The following DDHD1 variants were observed in gnomAD, a reference collection of about 807,000 sequenced individuals.
The protein encoded by DDHD1 is phospholipase DDHD1.
Under a neutral mutation model 96.4 loss-of-function variants are expected in DDHD1, and 49 were observed. The ratio of observed to expected loss-of-function variants is 0.51; its 90% CI spans 0.40 to 0.64. The LOEUF is 0.64. Among genes scored for constraint, DDHD1 ranks in the 30% least tolerant of loss-of-function variants. The pLI is 0.00. For missense variants in DDHD1, 1,106 were observed against 1,161.2 expected (o/e 0.95, Z 0.69); for synonymous variants, 442 against 446.5 (o/e 0.99, Z 0.13).
rs1472491896 is a variant in DDHD1, at chr14:53,055,916, G to A, written c.1993-4C>T. The A allele has an allele frequency of 1.9e-6, 3 of 1,588,684 alleles. No individual in the cohort carries two copies. Among genetic ancestry groups the A allele is most frequent in the African/African-American group, 1.4e-5 (1 of 73,102 alleles). The stretch of plus-strand genomic sequence containing the variant: ...TTAATGGTTCTAATCTATAAGCCTT[G>A]ATTTAAAAAAAAAAATTCAAAGAAA... On this transcript the variant is annotated splice_region_variant and splice_polypyrimidine_tract_variant and intron_variant, in intron 9 of 12. Coordinates refer to ENST00000673822, the MANE Select transcript of DDHD1 (RefSeq NM_001160148.2).
intron 6 of DDHD1, among the ~76,000 whole-genome samples, chr14:53,066,382 C>T (rs1266777712): frequency 6.6e-6 from 1 of 152,076 alleles, no homozygotes; most frequent in Non-Finnish European, 1.5e-5. Context: ...GAATTCCTGA[C>T]CTCAAGTGAT....
At chr14:53,050,272 T>C (rs1267863021) in intron 12 of DDHD1, among the ~76,000 whole-genome samples, 3 of 152,086 alleles carry the variant, frequency 2.0e-5, no homozygotes, top group Non-Finnish European at 4.4e-5. Flanking sequence ...TGAAGAGAAA[T>C]ACAAGTTAGT....
At chr14:53,079,137 T>C (rs10140374) in intron 4 of DDHD1, among the ~76,000 whole-genome samples, 5,110 of 152,308 alleles carry the variant, frequency 0.034, 294 homozygotes, top group African/African-American at 0.11. Context: ...CTGTGGTCTC[T>C]ATTCAGTAAT....
chr14:53,142,184 A>C (rs888959552), intron 1 of DDHD1, among the ~76,000 whole-genome samples: 8 of 152,264 alleles, frequency 5.3e-5, no homozygotes, highest in African/African-American at 1.9e-4. Context: ...TCAAGGATTC[A>C]AACTAAGGGA....
chr14:53,128,220 G>C (rs1889598435), intron 1 of DDHD1, among the ~76,000 whole-genome samples: 1 of 152,156 alleles, frequency 6.6e-6, no homozygotes, highest in Non-Finnish European at 1.5e-5. Flanking sequence ...ACCAAGTCTT[G>C]GATATTTCTT....
chr14:53,052,834 T>C (rs1882720160), intron 11 of DDHD1: 2 of 151,990 alleles, frequency 1.3e-5, no homozygotes, highest in Admixed American at 1.3e-4. Flanking sequence ...ATCAAAGAAT[T>C]TATGTGTAAG....
chr14:53,138,416 G>A (rs888917276), intron 1 of DDHD1, among the ~76,000 whole-genome samples: 8 of 152,270 alleles, frequency 5.3e-5, no homozygotes, highest in Admixed American at 1.3e-4. Context: ...GCAACAGAGC[G>A]AGACTCTGTC....
At chr14:53,082,623 G>C (rs535527076) in intron 4 of DDHD1, among the ~76,000 whole-genome samples, 1 of 151,736 alleles carries the variant, frequency 6.6e-6, no homozygotes, top group Admixed American at 6.6e-5. Context: ...GCCGGGTGTG[G>C]TGACGTGTGA....
Position 53,066,375 on chromosome 14 carries a change from T to C in DDHD1, c.1504-3170A>G, listed in dbSNP as rs534030521. Among the ~76,000 whole-genome samples, 12 of 152,118 alleles carry C rather than the reference T, an allele frequency of 7.9e-5. No homozygotes were observed. The South Asian group carries it at 2.5e-3, about 32-fold the overall frequency. On this transcript the variant is annotated intron_variant, in intron 6 of 12. Coordinates refer to ENST00000673822, the MANE Select transcript of DDHD1 (RefSeq NM_001160148.2). ...CCATGTTGGTTGGGCTGGTCTCGAA[T>C]TCCTGACCTCAAGTGATCTGCCTGC...
In DDHD1 at chr14:53,045,920, T is replaced by C. The variant is rs994994095; in HGVS notation, c.*848A>G. 1.1e-4 allele frequency: 17 copies of C among 152,256 alleles called. No homozygotes were observed. The highest frequency in any genetic ancestry group is 4.1e-4 in the African/African-American group (17 of 41,474). 9.4% of individuals were successfully genotyped at this position (152,256 alleles called of 1,614,324 possible). A position where few individuals can be genotyped will look rare whatever the true frequency, so the allele number is the denominator to read the frequency against. ...TAGTTTTCTAATAAAGCTAATGAAA[T>C]GTACCCATTATGGAGTACTCCGTGT... is the stretch of plus-strand genomic sequence containing the variant. On this transcript the variant is annotated 3_prime_UTR_variant, in exon 13 of 13. Transcript: ENST00000673822.
At chr14:53,096,952 G>T (rs1886930971) in intron 2 of DDHD1, among the ~76,000 whole-genome samples, 1 of 151,956 alleles carries the variant, frequency 6.6e-6, no homozygotes, top group African/African-American at 2.4e-5. Flanking sequence ...GCACAGACTT[G>T]ATATTTGGCA....
chr14:53,062,813 G>T, intron 7 of DDHD1, 130 bp downstream of exon 7: 2 of 910,242 alleles, frequency 2.2e-6, no homozygotes, highest in Non-Finnish European at 3.2e-6. Flanking sequence ...GATTAGGCAT[G>T]CTATATAGTA....
At chr14:53,070,346 C>T (rs1002317422) in intron 6 of DDHD1, among the ~76,000 whole-genome samples, 11 of 152,178 alleles carry the variant, frequency 7.2e-5, no homozygotes, top group Non-Finnish European at 1.2e-4. Context: ...GAACAATCTA[C>T]CAGTTGCCTA....
At chr14:53,057,152 TGA>T (rs1355252754) in intron 9 of DDHD1, among the ~76,000 whole-genome samples, 1 of 152,206 alleles carries the variant, frequency 6.6e-6, no homozygotes, top group African/African-American at 2.4e-5. Flanking sequence ...CTTTAACATA[TGA>T]GAGATTTTCT....
chr14:53,101,151 T>G (rs1432418722), intron 2 of DDHD1, among the ~76,000 whole-genome samples: 2 of 152,194 alleles, frequency 1.3e-5, no homozygotes, highest in African/African-American at 4.8e-5. Context: ...GTATAAAATT[T>G]CAGAAGCTTA....
intron 12 of DDHD1, chr14:53,049,074 T>C (rs928593618): frequency 1.3e-5 from 2 of 152,244 alleles, no homozygotes; most frequent in Non-Finnish European, 2.9e-5. Flanking sequence ...TTTGATTTTA[T>C]GTTCCTGAAA....
At chr14:53,056,101 A>G (rs1466899820) in intron 9 of DDHD1, among the ~76,000 whole-genome samples, 189 bp from the exon 10 acceptor site, 1 of 152,164 alleles carries the variant, frequency 6.6e-6, no homozygotes, top group Non-Finnish European at 1.5e-5. Flanking sequence ...TAATGATGAG[A>G]TTATGAAAAA....
At chr14:53,121,479 C>T (rs1157830019) in intron 1 of DDHD1, among the ~76,000 whole-genome samples, 4 of 152,156 alleles carry the variant, frequency 2.6e-5, no homozygotes, top group Non-Finnish European at 5.9e-5. Context: ...GACACATGCA[C>T]ACATATGTTC....
chr14:53,097,651 C>A (rs1365725833), intron 2 of DDHD1, among the ~76,000 whole-genome samples: 2 of 151,920 alleles, frequency 1.3e-5, no homozygotes, highest in South Asian at 4.1e-4. Flanking sequence ...TTTTGTAGAT[C>A]TGGTAGTAAA....
Sources: gnomAD v4.1 joint callset for allele counts (sites outside exome capture counted in the v4.1 genomes callset) on GRCh38, gnomAD v4.1.1 for gene constraint, MANE v1.5 for transcripts, NCBI Gene and HGNC (gene_info 2026-07-23, HGNC 2026-07-21) for gene names.